STMN3: variants seen among roughly 807,000 people sequenced by gnomAD.
STMN3 encodes stathmin 3.
STMN3 carries 24 observed loss-of-function variants against 23.2 expected under a neutral mutation model. That is an observed-to-expected ratio of 1.03 (90% CI 0.75 to 1.45). The LOEUF is 1.45. STMN3 is among the 40% of genes most tolerant of loss of function. The probability of loss-of-function intolerance (pLI) is 0.00; values close to 1 mark genes in which losing one functional copy is unlikely to be tolerated. For synonymous variants in STMN3, 117 were observed against 103.4 expected, an observed-to-expected ratio of 1.13 and a Z score of -0.80; for missense variants, 235 against 237.6, an observed-to-expected ratio of 0.99 and a Z score of 0.07.
At chr20:63,647,991 T>TATATATATAAAC (rs1288050001) in intron 1 of STMN3, among the ~76,000 whole-genome samples, 1 of 75,892 alleles carries the variant, frequency 1.3e-5, no homozygotes, top group Non-Finnish European at 2.7e-5. Context: ...CATATATATA[T>TATATATATAAAC]ACAGAGAGAG....
intron 4 of STMN3, among the ~76,000 whole-genome samples, chr20:63,641,805 C>G (rs1357787522): frequency 6.7e-6 from 1 of 149,746 alleles, no homozygotes; most frequent in Admixed American, 6.7e-5. Flanking sequence ...GCCTCGGAGT[C>G]CCCGGCCCCG....
At position 63,643,670 on chromosome 20, in the gene STMN3, G is replaced by C. The variant is rs560357123; in HGVS notation, c.291+86C>G. ...GCCAAGGCACTGACCAAGCCTGTCC[G>C]GGAGCACCCTGCTTCTTGCAGGCCC... is the stretch of plus-strand genomic sequence containing the variant. On this transcript the variant is annotated intron_variant, in intron 3 of 4. Coordinates refer to ENST00000370053, the MANE Select transcript of STMN3 (RefSeq NM_015894.4). 1.3e-4 allele frequency: 182 copies of C among 1,447,248 alleles called. 3 individuals are homozygous for C. In the South Asian group the frequency reaches 2.5e-3, roughly 20 times the overall value. The allele number at this position is 1,447,248 out of a possible 1,614,324, so 89.7% of individuals were successfully genotyped here.
intron 2 of STMN3, 25 bp downstream of exon 2, chr20:63,644,189 G>C: frequency 1.3e-6 from 2 of 1,598,160 alleles, no homozygotes; most frequent in Non-Finnish European, 1.7e-6. Flanking sequence ...CCGCAGGGAA[G>C]GGCAGGCGGC....
chr20:63,648,644 G>A (rs368362136), intron 1 of STMN3, among the ~76,000 whole-genome samples: 1 of 152,330 alleles, frequency 6.6e-6, no homozygotes, highest in East Asian at 1.9e-4. Flanking sequence ...GCTGAGGCAG[G>A]AGAATCACTT....
At chr20:63,651,472 TC>T (rs943733155) in intron 1 of STMN3, among the ~76,000 whole-genome samples, 3 of 151,308 alleles carry the variant, frequency 2.0e-5, no homozygotes, top group Non-Finnish European at 4.4e-5. Context: ...TGCTGCCGGC[TC>T]CCCCCGGGGG....
At chr20:63,650,921 C>T (rs1437262661) in intron 1 of STMN3, among the ~76,000 whole-genome samples, 1 of 147,698 alleles carries the variant, frequency 6.8e-6, no homozygotes, top group South Asian at 2.2e-4. Flanking sequence ...TCTCCTTCTC[C>T]TTCTCTTTCG....
rs1348389658 is a variant in STMN3 at position 63,639,841 on chromosome 20, C to G, written c.*1497G>C. 6.6e-6 allele frequency: 1 copy of G among 152,340 alleles called. No individual in the cohort carries two copies. Among genetic ancestry groups the G allele is most frequent in the East Asian group, 1.9e-4 (1 of 5,338 alleles). 9.4% of individuals were successfully genotyped at this position (152,340 alleles called of 1,614,324 possible). A position where few individuals can be genotyped will look rare whatever the true frequency, so the allele number is the denominator to read the frequency against. On this transcript the variant is annotated 3_prime_UTR_variant, in exon 5 of 5. Coordinates refer to ENST00000370053, the MANE Select transcript of STMN3 (RefSeq NM_015894.4). ...GAGCGCTGCCACCATGAGGAATATC[C>G]CAGCCCTCAGTTCTGCTTCCCTTTC...
intron 4 of STMN3, among the ~76,000 whole-genome samples, chr20:63,641,662 T>C (rs76322016): frequency 0.011 from 1,695 of 152,254 alleles, 14 homozygotes; most frequent in Non-Finnish European, 0.019. Flanking sequence ...GCACTTTCAA[T>C]ATAATGAATT....
In STMN3 at chr20:63,643,991, G is replaced by A. The variant is rs147961470; in HGVS notation, c.116-60C>T. On this transcript the variant is annotated intron_variant, in intron 2 of 4. Coordinates refer to ENST00000370053, the MANE Select transcript of STMN3 (RefSeq NM_015894.4). ...CCGGCCAGGGCATGGCGTGGGCTGA[G>A]CGGGATGCTCCCAGCACACATCCAA... The A allele has an allele frequency of 6.8e-4, 1,061 of 1,571,710 alleles. 14 individuals are homozygous for A. The East Asian group carries it at 0.018, about 27-fold the overall frequency.
chr20:63,641,507 G>A, intron 4 of STMN3, 110 bp from the exon 5 acceptor site: 1 of 873,190 alleles, frequency 1.1e-6, no homozygotes, highest in Non-Finnish European at 1.8e-6. Context: ...GCCTCATCCG[G>A]GCTGGCCTTC....
intron 1 of STMN3, among the ~76,000 whole-genome samples, chr20:63,649,551 G>C (rs1569070947): frequency 6.6e-6 from 1 of 152,090 alleles, no homozygotes; most frequent in African/African-American, 2.4e-5. Flanking sequence ...TTTTTTTGGA[G>C]ACGGAGTCTC....
At chr20:63,650,168 G>A (rs1245817792) in intron 1 of STMN3, among the ~76,000 whole-genome samples, 5 of 122,890 alleles carry the variant, frequency 4.1e-5, no homozygotes, top group Admixed American at 8.7e-5. Context: ...CCCCGCGCCC[G>A]GCCCCTCCCT....
At chr20:63,653,237 G>A (rs886533049) in intron 1 of STMN3, 90 bp downstream of exon 1, 39 of 1,481,466 alleles carry the variant, frequency 2.6e-5, no homozygotes, top group African/African-American at 4.4e-5. Context: ...GGAAATTGGC[G>A]TCCGCTGCCG....
chr20:63,653,243 T>C, intron 1 of STMN3, 84 bp downstream of exon 1: 1 of 1,493,090 alleles, frequency 6.7e-7, no homozygotes, highest in Non-Finnish European at 9.0e-7. Flanking sequence ...TGGCGTCCGC[T>C]GCCGGCCGCT....
intron 1 of STMN3, among the ~76,000 whole-genome samples, chr20:63,645,607 C>T (rs561548738): frequency 3.3e-5 from 5 of 152,312 alleles, no homozygotes; most frequent in East Asian, 1.9e-4. Context: ...CTATTCAGGG[C>T]GAACCTCATT....
Position 63,641,278 on chromosome 20 carries a change from A to G in STMN3, c.*60T>C, listed in dbSNP as rs1409311141. ...AGTTGCATCTAGACAGAGGTGAACG[A>G]AACAAAACCAAAACCCGAACGTGTT... is the stretch of plus-strand genomic sequence containing the variant. On this transcript the variant is annotated 3_prime_UTR_variant, in exon 5 of 5. Coordinates refer to ENST00000370053, the MANE Select transcript of STMN3 (RefSeq NM_015894.4). 1.3e-6 allele frequency: 2 copies of G among 1,510,992 alleles called. No individual in the cohort carries two copies. The highest frequency in any genetic ancestry group is 3.9e-5 in the Admixed American group (2 of 51,028). 93.6% of individuals were successfully genotyped at this position (1,510,992 alleles called of 1,614,324 possible).
At chr20:63,644,070 GC>G in intron 2 of STMN3, 139 bp from the exon 3 acceptor site, 1 of 1,370,568 alleles carries the variant, frequency 7.3e-7, no homozygotes, top group Non-Finnish European at 9.9e-7. Flanking sequence ...CCAGGCTTCA[GC>G]CCCCAGGATG....
chr20:63,648,001 G>C (rs1432745479), intron 1 of STMN3, among the ~76,000 whole-genome samples: 1 of 119,402 alleles, frequency 8.4e-6, no homozygotes, highest in Non-Finnish European at 1.7e-5. Flanking sequence ...TACAGAGAGA[G>C]AGAGAGTAGT....
intron 1 of STMN3, among the ~76,000 whole-genome samples, chr20:63,647,662 A>G (rs962634580): frequency 7.7e-6 from 1 of 130,390 alleles, no homozygotes; most frequent in African/African-American, 2.9e-5. Flanking sequence ...GTATATATAT[A>G]ATATATATAT....
Sources: allele counts gnomAD v4.1 joint callset (sites outside exome capture counted in the v4.1 genomes callset), GRCh38; gene constraint gnomAD v4.1.1; transcripts MANE v1.5; gene names NCBI Gene and HGNC (gene_info 2026-07-23, HGNC 2026-07-21).